Variants in MAP3K15 observed in about 807,000 individuals in gnomAD.
MAP3K15 encodes the protein MAPK/ERK kinase kinase 15.
Under a neutral mutation model 99.5 loss-of-function variants are expected in MAP3K15, and 124 were observed. The ratio of observed to expected loss-of-function variants is 1.25; its 90% CI spans 1.08 to 1.45. MAP3K15 has a LOEUF of 1.45. Ranked by LOEUF, MAP3K15 falls within the 40% of genes most tolerant of loss-of-function variation. The probability of loss-of-function intolerance (pLI) is 0.00; values close to 1 mark genes in which losing one functional copy is unlikely to be tolerated. For synonymous variants in MAP3K15, 494 were observed against 439.6 expected (o/e 1.12, Z -1.55); for missense variants, 1,242 against 1,079.7 (o/e 1.15, Z -2.11).
At chrX:19,507,720 G>A (rs2064488896) in intron 1 of MAP3K15, among the ~76,000 whole-genome samples, 1 of 109,762 alleles carries the variant, frequency 9.1e-6, no homozygotes, top group Admixed American at 9.9e-5. Context: ...TAGTCTGGTG[G>A]AAGAAGCTCA....
intron 16 of MAP3K15, among the ~76,000 whole-genome samples, chrX:19,393,230 C>T (rs1420378168): frequency 9.0e-6 from 1 of 111,496 alleles, no homozygotes; most frequent in Non-Finnish European, 1.9e-5. Context: ...GTTATGGGAC[C>T]TTGATCTACC....
intron 3 of MAP3K15, among the ~76,000 whole-genome samples, chrX:19,479,745 C>G (rs1222010406): frequency 8.9e-6 from 1 of 112,145 alleles, no homozygotes; most frequent in Non-Finnish European, 1.9e-5. Context: ...TAAAGACAGC[C>G]TTGATCTGTC....
rs754720201 is a variant in MAP3K15, at chrX:19,418,205, G to T, written c.1440-2948C>A. On this transcript the variant is annotated intron_variant, in intron 9 of 28. Transcript: ENST00000338883. ...AAGCTGGACGGAGAATGACTTTGACGAGTTAAGAGAAGAAGACTTCAGACA... is the reference window on the plus strand; with the variant it reads ...AAGCTGGACGGAGAATGACTTTGACTAGTTAAGAGAAGAAGACTTCAGACA... Among the ~76,000 whole-genome samples, 3 of 111,951 alleles carry T rather than the reference G, an allele frequency of 2.7e-5. No individual in the cohort carries two copies. The South Asian group carries it at 1.1e-3, about 42-fold the overall frequency.
At chrX:19,408,652 T>A (rs1266642592) in intron 12 of MAP3K15, 1 of 89,570 alleles carries the variant, frequency 1.1e-5, no homozygotes, top group African/African-American at 6.7e-5. Context: ...GACAAAAAAA[T>A]AAAATAAAAT....
Position 19,361,377 on chromosome X carries a change from A to C in MAP3K15, c.3819T>G (p.Asn1273Lys), listed in dbSNP as rs1347776986. 8.3e-7 allele frequency: 1 copy of C among 1,209,898 alleles called. No homozygotes were observed. Reference protein sequence around the residue: ...EEGYTLSDILNEITKEDLRYL... With the variant: ...EEGYTLSDILKEITKEDLRYL... ...ATCTTAGATCTTCCTTAGTGATCTC[A>C]TTAAGAATATCCGAAAGTGTATAAC... The change falls in exon 28 of 29, where the codon AAT becomes AAG. Residue 1273 changes from asparagine (N) to lysine (K), a missense_variant. Coordinates refer to ENST00000338883, the MANE Select transcript of MAP3K15 (RefSeq NM_001001671.4).
chrX:19,473,814 CAATT>C (rs1483296366), intron 3 of MAP3K15, among the ~76,000 whole-genome samples: 6 of 111,745 alleles, frequency 5.4e-5, no homozygotes, highest in African/African-American at 2.0e-4. Context: ...TGTCATCACT[CAATT>C]AAATAATAGG....
At chrX:19,452,063 G>A (rs1274502800) in intron 6 of MAP3K15, among the ~76,000 whole-genome samples, 6 of 26 alleles carry the variant, frequency 0.23, no homozygotes, top group Non-Finnish European at 0.36. Context: ...TGTCAGAGAA[G>A]AGAAGAGAAG....
intron 24 of MAP3K15, among the ~76,000 whole-genome samples, chrX:19,370,338 G>A (rs1040812400): frequency 8.9e-6 from 1 of 111,841 alleles, no homozygotes; most frequent in African/African-American, 3.2e-5. Flanking sequence ...GATACCAGAG[G>A]ACTGGAGGAT....
At position 19,360,608 on chromosome X, in the gene MAP3K15, T is replaced by TA. The variant is rs1231424477; in HGVS notation, c.*140dup. The TA allele has an allele frequency of 8.4e-6, 4 of 473,946 alleles. No individual in the cohort carries two copies. The highest frequency in any genetic ancestry group is 1.4e-5 in the Non-Finnish European group (4 of 278,007). The allele number at this position is 473,946 out of a possible 1,213,427, so 39.1% of individuals were successfully genotyped here. A position where few individuals can be genotyped will look rare whatever the true frequency, so the allele number is the denominator to read the frequency against. On this transcript the variant is annotated 3_prime_UTR_variant, in exon 29 of 29. Transcript: ENST00000338883. ...TTCAAAAGAAACTCAGGACAGTATT[T>TA]AAAACAAGTTCTTAAACTATTAATT...
At chrX:19,398,186 G>C in intron 15 of MAP3K15, 40 bp downstream of exon 15, 1 of 1,207,405 alleles carries the variant, frequency 8.3e-7, no homozygotes, top group Non-Finnish European at 1.1e-6. Context: ...CTGGGGTGTG[G>C]AGACGGCACC....
chrX:19,414,823 C>A (rs1478312446), intron 10 of MAP3K15, among the ~76,000 whole-genome samples: 1 of 111,666 alleles, frequency 9.0e-6, no homozygotes, highest in Non-Finnish European at 1.9e-5. Flanking sequence ...GTAGTGCCAC[C>A]TTCTCCCCAA....
At chrX:19,464,128 T>C in intron 4 of MAP3K15, 85 bp downstream of exon 4, 1 of 829,291 alleles carries the variant, frequency 1.2e-6, no homozygotes, top group Non-Finnish European at 1.7e-6. Context: ...GCAACTCTGT[T>C]CATTTGAAGG....
intron 19 of MAP3K15, among the ~76,000 whole-genome samples, chrX:19,377,096 G>A (rs993658036): frequency 9.8e-5 from 11 of 111,822 alleles, no homozygotes; most frequent in African/African-American, 3.6e-4. Flanking sequence ...GGGAAAGAGA[G>A]TGTCCTTTGT....
At chrX:19,404,189 T>C (rs1368212171) in intron 13 of MAP3K15, among the ~76,000 whole-genome samples, 1 of 112,020 alleles carries the variant, frequency 8.9e-6, no homozygotes, top group Non-Finnish European at 1.9e-5. Context: ...AATCAACATT[T>C]ACAACTCAAG....
At chrX:19,365,498 T>A (rs941539427) in intron 25 of MAP3K15, among the ~76,000 whole-genome samples, 1 of 112,674 alleles carries the variant, frequency 8.9e-6, no homozygotes, top group South Asian at 3.6e-4. Flanking sequence ...GTTAAATACA[T>A]GTTAAATACA....
rs763169978 is a variant in MAP3K15 at position 19,407,169 on chromosome X, T to G, written c.1844+19A>C. On this transcript the variant is annotated intron_variant, in intron 13 of 28. Transcript: ENST00000338883. ...TCGCCATAATTACATTGCAAATACC[T>G]GAATTGGCTGTAACTCACCTACTGC... 1 of 1,043,462 alleles carries G rather than the reference T, an allele frequency of 9.6e-7. No individual in the cohort carries two copies. Among genetic ancestry groups the G allele is most frequent in the East Asian group, 3.2e-5 (1 of 30,774 alleles). 86.0% of individuals were successfully genotyped at this position (1,043,462 alleles called of 1,213,427 possible). A position where few individuals can be genotyped will look rare whatever the true frequency, so the allele number is the denominator to read the frequency against.
chrX:19,515,457 G>A lies in MAP3K15; in HGVS notation c.-196C>T, dbSNP rs1026162880. On this transcript the variant is annotated 5_prime_UTR_variant, in exon 1 of 29. Transcript: ENST00000338883. ...CGGCAGTACCCCTAGGCTGCAGCCT[G>A]ACGCTCAGGCCCCAAGGCCCCCAGC... 8.9e-6 allele frequency among the ~76,000 whole-genome samples: 1 copy of A among 112,021 alleles called. No homozygotes were observed. The highest frequency in any genetic ancestry group is 9.3e-5 in the Admixed American group (1 of 10,783).
At chrX:19,470,447 T>G (rs891681958) in intron 3 of MAP3K15, among the ~76,000 whole-genome samples, 2 of 109,432 alleles carry the variant, frequency 1.8e-5, no homozygotes, top group African/African-American at 6.7e-5. Context: ...CTATACCTAA[T>G]GCTAAATGAC....
rs1032741858 is a variant in MAP3K15 at position 19,460,041 on chromosome X, C to T, written c.832G>A (p.Glu278Lys). Reference protein sequence around the residue: ...ARIKLRMDNTEVLTSDIIINL... With the variant: ...ARIKLRMDNTKVLTSDIIINL... ...ATGATGATGTCTGAGGTCAGAACCT[C>T]AGTATTATCCATGCGGAGCTTGATC... Residue 278 changes from glutamate to lysine, a missense_variant, in exon 5 of 29, where the codon GAG becomes AAG. Glu to Lys is a moderately conservative substitution (Grantham distance 56). Transcript: ENST00000338883. 8.4e-7 allele frequency: 1 copy of T among 1,192,530 alleles called. No individual in the cohort carries two copies. Among genetic ancestry groups the T allele is most frequent in the Admixed American group, 2.2e-5 (1 of 45,181 alleles).
Sources: gnomAD v4.1 joint callset for allele counts (sites outside exome capture counted in the v4.1 genomes callset) on GRCh38, gnomAD v4.1.1 for gene constraint, MANE v1.5 for transcripts, NCBI Gene and HGNC (gene_info 2026-07-23, HGNC 2026-07-21) for gene names.